The following ZNF277 variants were observed in gnomAD, a reference collection of about 807,000 sequenced individuals.
ZNF277 encodes zinc finger protein 277.
ZNF277 carries 55 observed loss-of-function variants against 60.7 expected under a neutral mutation model. The observed-to-expected ratio is 0.91, with a 90% CI of 0.73 to 1.13. The LOEUF is 1.13. ZNF277 is among the 50% of genes most tolerant of loss of function. The pLI, the probability that ZNF277 is intolerant of heterozygous loss-of-function variation, is 0.00. For synonymous variants in ZNF277, 178 were observed against 179.3 expected, an observed-to-expected ratio of 0.99 and a Z score of 0.06; for missense variants, 510 against 523.0, an observed-to-expected ratio of 0.98 and a Z score of 0.24.
intron 2 of ZNF277, 107 bp downstream of exon 2, chr7:112,287,181 C>A: frequency 1.8e-6 from 2 of 1,130,404 alleles, no homozygotes; most frequent in Non-Finnish European, 2.6e-6. Context: ...TCACCCGAGG[C>A]CAGTAGTAGT....
chr7:112,244,785 A>G (rs1174946885), intron 1 of ZNF277, among the ~76,000 whole-genome samples: 2 of 152,170 alleles, frequency 1.3e-5, no homozygotes, highest in African/African-American at 2.4e-5. Flanking sequence ...GTTGATGTGC[A>G]GTAACCTACA....
At chr7:112,319,177 C>T (rs1792917455) in intron 5 of ZNF277, among the ~76,000 whole-genome samples, 1 of 152,038 alleles carries the variant, frequency 6.6e-6, no homozygotes, top group Non-Finnish European at 1.5e-5. Flanking sequence ...TTATTGAACT[C>T]AATCAGCAGC....
intron 1 of ZNF277, among the ~76,000 whole-genome samples, chr7:112,232,532 A>G (rs892672631): frequency 6.6e-6 from 1 of 152,214 alleles, no homozygotes; most frequent in African/African-American, 2.4e-5. Flanking sequence ...CCAAACAATA[A>G]CACACATTAC....
At chr7:112,334,109 T>C (rs1459402538) in intron 7 of ZNF277, among the ~76,000 whole-genome samples, 1 of 152,210 alleles carries the variant, frequency 6.6e-6, no homozygotes, top group Admixed American at 6.5e-5. Flanking sequence ...TATAGTTTTC[T>C]CTAGTGAAGT....
intron 5 of ZNF277, among the ~76,000 whole-genome samples, chr7:112,319,473 A>T (rs915362460): frequency 3.9e-5 from 6 of 151,910 alleles, no homozygotes; most frequent in Non-Finnish European, 5.9e-5. Flanking sequence ...GGAACTGAGG[A>T]TGATTTCACT....
chr7:112,298,357 T>G (rs80064510), intron 4 of ZNF277, among the ~76,000 whole-genome samples: 1,935 of 152,268 alleles, frequency 0.013, 48 homozygotes, highest in African/African-American at 0.044. Context: ...TTTGGATAGT[T>G]AAGAGAGTTG....
chr7:112,264,549 T>C (rs563075994), intron 1 of ZNF277, among the ~76,000 whole-genome samples: 1 of 152,262 alleles, frequency 6.6e-6, no homozygotes, highest in African/African-American at 2.4e-5. Context: ...TTGCAAGTAA[T>C]TTTATAGAAG....
chr7:112,219,178 G>A (rs1391308227), intron 1 of ZNF277, among the ~76,000 whole-genome samples: 1 of 152,106 alleles, frequency 6.6e-6, no homozygotes, highest in Non-Finnish European at 1.5e-5. Flanking sequence ...ATCTCTTCAT[G>A]ATTTTAATAT....
At chr7:112,288,980 GAA>G (rs1193854366) in intron 2 of ZNF277, 2 of 63,552 alleles carry the variant, frequency 3.1e-5, no homozygotes, top group Non-Finnish European at 5.9e-5. Flanking sequence ...AAAAAAAAAA[GAA>G]GAGTATGTGT....
At chr7:112,271,109 A>G (rs146663529) in intron 1 of ZNF277, among the ~76,000 whole-genome samples, 3 of 152,262 alleles carry the variant, frequency 2.0e-5, no homozygotes, top group East Asian at 3.9e-4. Flanking sequence ...CATTGAAGCT[A>G]GTGCTAATCA....
At chr7:112,330,034 C>A (rs563996644) in intron 6 of ZNF277, 50 bp from the exon 7 acceptor site, 3 of 1,558,996 alleles carry the variant, frequency 1.9e-6, no homozygotes, top group East Asian at 2.3e-5. Context: ...AGGATTATTG[C>A]AGCAACTATA....
chr7:112,250,472 C>T (rs952488543), intron 1 of ZNF277, among the ~76,000 whole-genome samples: 4 of 152,158 alleles, frequency 2.6e-5, no homozygotes, highest in Non-Finnish European at 5.9e-5. Context: ...CACACTCCCT[C>T]CCTTTTTGAA....
chr7:112,237,409 A>G (rs1467250902), intron 1 of ZNF277, among the ~76,000 whole-genome samples: 1 of 152,158 alleles, frequency 6.6e-6, no homozygotes, highest in African/African-American at 2.4e-5. Context: ...AACAAAAAAA[A>G]TCAATGAAAC....
At chr7:112,277,585 AAATT>A (rs1791836183) in intron 1 of ZNF277, among the ~76,000 whole-genome samples, 1 of 152,334 alleles carries the variant, frequency 6.6e-6, no homozygotes. Context: ...TATTAAATTT[AAATT>A]AATTAAAACT....
intron 1 of ZNF277, among the ~76,000 whole-genome samples, chr7:112,238,828 A>C (rs1790870337): frequency 6.9e-6 from 1 of 144,196 alleles, no homozygotes; most frequent in African/African-American, 2.5e-5. Flanking sequence ...ATTTTTAGAG[A>C]GCGGGTGGTG....
chr7:112,330,239 T>C, intron 7 of ZNF277, 23 bp downstream of exon 7: 1 of 1,609,324 alleles, frequency 6.2e-7, no homozygotes, highest in Non-Finnish European at 8.5e-7. Flanking sequence ...TTTCATAACT[T>C]AAAATTTGAT....
At chr7:112,331,565 G>C (rs983175769) in intron 7 of ZNF277, among the ~76,000 whole-genome samples, 1 of 152,168 alleles carries the variant, frequency 6.6e-6, no homozygotes, top group Non-Finnish European at 1.5e-5. Flanking sequence ...AATTTTGTCT[G>C]TTCTAACTAT....
At chr7:112,245,474 T>A (rs1046202777) in intron 1 of ZNF277, among the ~76,000 whole-genome samples, 1 of 152,230 alleles carries the variant, frequency 6.6e-6, no homozygotes, top group Admixed American at 6.5e-5. Context: ...TTCTATGCTA[T>A]GTCATAGCAT....
At chr7:112,253,055 A>G (rs1376430115) in intron 1 of ZNF277, among the ~76,000 whole-genome samples, 1 of 152,192 alleles carries the variant, frequency 6.6e-6, no homozygotes, top group Non-Finnish European at 1.5e-5. Context: ...ATAAGCAGGT[A>G]TGTTTAACAA....
Sources: gnomAD v4.1 joint callset for allele counts (sites outside exome capture counted in the v4.1 genomes callset) on GRCh38, gnomAD v4.1.1 for gene constraint, MANE v1.5 for transcripts, NCBI Gene and HGNC (gene_info 2026-07-23, HGNC 2026-07-21) for gene names.